SULT2B1: variants seen among roughly 807,000 people sequenced by gnomAD.
SULT2B1 encodes the protein sulfotransferase 2B1.
In SULT2B1, 16 loss-of-function variants were observed where a neutral mutation model predicts 33.2. The observed-to-expected ratio is 0.48, with a 90% CI of 0.33 to 0.73. The LOEUF (loss-of-function observed/expected upper bound fraction) is 0.73. SULT2B1 is among the 30% of genes least tolerant of loss of function. The pLI is 0.02. For synonymous variants in SULT2B1, 186 were observed against 200.5 expected (o/e 0.93, Z 0.61); for missense variants, 500 against 506.0 (o/e 0.99, Z 0.11).
intron 5 of SULT2B1, 34 bp downstream of exon 5, chr19:48,592,850 C>A: frequency 6.5e-7 from 1 of 1,530,648 alleles, no homozygotes; most frequent in Non-Finnish European, 8.9e-7. Context: ...GCAGCGTCCC[C>A]CCCATACCCT....
At position 48,576,359 on chromosome 19, in the gene SULT2B1, C is replaced by CTTTTCTTTCT; in HGVS notation, c.214+280_214+281insCTTTCTTTTT. Reference sequence around the variant, plus strand: ...CCTTTCCCCTTTACCCTCTACTTCTCTTTTTTTTTTTTTTTTTTGTAGAGA... The same window carrying CTTTTCTTTCT: ...CCTTTCCCCTTTACCCTCTACTTCTCTTTTCTTTCTTTTTTTTTTTTTTTTTTTGTAGAGA... On this transcript the variant is annotated intron_variant, in intron 2 of 6. Transcript: ENST00000201586. Among the ~76,000 whole-genome samples, 34 of 96,712 alleles carry CTTTTCTTTCT rather than the reference C, an allele frequency of 3.5e-4. 1 individual carries two copies. The highest frequency in any genetic ancestry group is 5.2e-3 in the Middle Eastern group (1 of 194). 63.4% of individuals were successfully genotyped at this position (96,712 alleles called of 152,430 possible).
intron 1 of SULT2B1, among the ~76,000 whole-genome samples, chr19:48,559,307 G>A (rs1270850249): frequency 6.6e-6 from 1 of 152,130 alleles, no homozygotes; most frequent in Non-Finnish European, 1.5e-5. Flanking sequence ...GGAAAGGTTG[G>A]AAGTGGTGAT....
intron 1 of SULT2B1, among the ~76,000 whole-genome samples, chr19:48,567,848 T>C (rs1411692297): frequency 1.3e-5 from 2 of 151,942 alleles, no homozygotes; most frequent in South Asian, 2.1e-4. Flanking sequence ...TGTATGCCTG[T>C]AGTCCCAGCT....
Position 48,599,084 on chromosome 19 carries a change from G to C in SULT2B1, c.827-51G>C. Reference sequence around the variant, plus strand: ...GGTTGCTGGAATGTTGGAGGTAGGGGCGCAGTGCTCCCCAGAGGCTCCTCA... The same window carrying C: ...GGTTGCTGGAATGTTGGAGGTAGGGCCGCAGTGCTCCCCAGAGGCTCCTCA... On this transcript the variant is annotated intron_variant, in intron 6 of 6. Transcript: ENST00000201586. This position sits in a 1 kb window ranked among gnomAD's most constrained non-coding sequence, Gnocchi z 4.1. The C allele has an allele frequency of 6.5e-7, 1 of 1,535,080 alleles. No homozygotes were observed. Among genetic ancestry groups the C allele is most frequent in the Non-Finnish European group, 8.7e-7 (1 of 1,145,982 alleles).
Position 48,576,354 on chromosome 19 carries a change from C to CTTTTTTTTTTTTTTTTTT in SULT2B1, c.214+273_214+274insTTTTTTTTTTTTTTTTTT, listed in dbSNP as rs879507532. On this transcript the variant is annotated intron_variant, in intron 2 of 6. Transcript: ENST00000201586. ...TCCTCCCTTTCCCCTTTACCCTCTA[C>CTTTTTTTTTTTTTTTTTT]TTCTCTTTTTTTTTTTTTTTTTTGT... 8.6e-4 allele frequency among the ~76,000 whole-genome samples: 69 copies of CTTTTTTTTTTTTTTTTTT among 79,902 alleles called. 6 individuals are homozygous for CTTTTTTTTTTTTTTTTTT. The highest frequency in any genetic ancestry group is 3.0e-3 in the South Asian group (7 of 2,354). 52.4% of individuals were successfully genotyped at this position (79,902 alleles called of 152,430 possible).
intron 1 of SULT2B1, among the ~76,000 whole-genome samples, chr19:48,566,793 A>C (rs1973248324): frequency 6.6e-6 from 1 of 151,680 alleles, no homozygotes; most frequent in Admixed American, 6.6e-5. Flanking sequence ...AGTGAGCCAA[A>C]ATTGTGTCAC....
chr19:48,553,186 G>A (rs902101449), intron 1 of SULT2B1, among the ~76,000 whole-genome samples: 6 of 152,130 alleles, frequency 3.9e-5, no homozygotes, highest in Non-Finnish European at 5.9e-5. Context: ...CCAACCCCTC[G>A]TATCTTGCAC....
intron 1 of SULT2B1, among the ~76,000 whole-genome samples, chr19:48,573,349 G>C (rs951012711): frequency 6.6e-6 from 1 of 151,876 alleles, no homozygotes; most frequent in Non-Finnish European, 1.5e-5. Flanking sequence ...CAAATCGAGC[G>C]ATATCAGCAC....
intron 2 of SULT2B1, among the ~76,000 whole-genome samples, chr19:48,576,376 T>TTTTTTTTTTTTG (rs1454205574): frequency 7.0e-6 from 1 of 142,968 alleles, no homozygotes; most frequent in African/African-American, 2.6e-5. Flanking sequence ...TTTTTTTTTT[T>TTTTTTTTTTTTG]TGTAGAGATG....
At chr19:48,576,425 G>C (rs1305412091) in intron 2 of SULT2B1, among the ~76,000 whole-genome samples, 22 of 103,376 alleles carry the variant, frequency 2.1e-4, no homozygotes, top group African/African-American at 7.8e-4. Context: ...TTGAACTCCT[G>C]ATCTCAAGTG....
intron 2 of SULT2B1, among the ~76,000 whole-genome samples, chr19:48,576,323 T>C (rs1240312594): frequency 1.4e-5 from 2 of 145,056 alleles, no homozygotes; most frequent in Admixed American, 1.4e-4. Context: ...AGCGTCCTCG[T>C]TCTGTTCCTC....
At chr19:48,555,628 G>A (rs1024040210) in intron 1 of SULT2B1, among the ~76,000 whole-genome samples, 1 of 150,306 alleles carries the variant, frequency 6.7e-6, no homozygotes, top group Non-Finnish European at 1.5e-5. Context: ...ACACTGGAGT[G>A]CAGTGGCACA....
chr19:48,552,792 G>A lies in SULT2B1; in HGVS notation c.71+469G>A, dbSNP rs1973046834. On this transcript the variant is annotated intron_variant, in intron 1 of 6. Transcript: ENST00000201586. This position sits in a 1 kb window ranked among gnomAD's most constrained non-coding sequence, Gnocchi z 4.8. ...TGAGACCCCCAGAGGGAGAAGCTGT[G>A]TTCTAGGGCACTTGGGGCGGAGAGG... Among the ~76,000 whole-genome samples, 3 of 152,134 alleles carry A rather than the reference G, an allele frequency of 2.0e-5. No individual in the cohort carries two copies. The highest frequency in any genetic ancestry group is 4.4e-5 in the Non-Finnish European group (3 of 68,018).
intron 2 of SULT2B1, among the ~76,000 whole-genome samples, chr19:48,577,026 C>CTTT (rs1370978518): frequency 3.7e-5 from 4 of 108,612 alleles, no homozygotes; most frequent in African/African-American, 1.4e-4. Flanking sequence ...AAACCCCCCT[C>CTTT]TATTTTTTTT....
At chr19:48,575,752 A>C in intron 1 of SULT2B1, 189 bp from the exon 2 acceptor site, 1 of 1,029,592 alleles carries the variant, frequency 9.7e-7, no homozygotes, top group South Asian at 2.0e-5. Context: ...AAGTGCTGGG[A>C]TTACAGGAGT....
At chr19:48,583,895 C>T (rs1349074096) in intron 2 of SULT2B1, among the ~76,000 whole-genome samples, 1 of 152,036 alleles carries the variant, frequency 6.6e-6, no homozygotes. Flanking sequence ...AGGCAGATCA[C>T]GAGGTGAAGA....
At position 48,552,240 on chromosome 19, in the gene SULT2B1, T is replaced by C. The variant is rs764491394; in HGVS notation, c.-13T>C. On this transcript the variant is annotated 5_prime_UTR_variant, in exon 1 of 7. Coordinates refer to ENST00000201586, the MANE Select transcript of SULT2B1 (RefSeq NM_177973.2). The surrounding 1 kb of genome is among the most constrained non-coding windows in gnomAD (Gnocchi z 4.8). ...CCTGCTCGTCCTCCCCTCCCCACCC[T>C]CACCCACCTGCCATGGACGGGCCCG... 1 of 1,611,842 alleles carries C rather than the reference T, an allele frequency of 6.2e-7. No homozygotes were observed. Among genetic ancestry groups the C allele is most frequent in the African/African-American group, 1.3e-5 (1 of 74,892 alleles).
intron 1 of SULT2B1, among the ~76,000 whole-genome samples, chr19:48,570,815 C>T (rs1440532809): frequency 6.6e-6 from 1 of 151,790 alleles, no homozygotes; most frequent in Non-Finnish European, 1.5e-5. Context: ...ACCTCTGCCT[C>T]CCAGGTTCAA....
rs571793507 is a variant in SULT2B1 at position 48,559,528 on chromosome 19, G to A, written c.71+7205G>A. Among the ~76,000 whole-genome samples the A allele has an allele frequency of 5.2e-4, 79 of 152,238 alleles. No individual in the cohort carries two copies. In the Middle Eastern group the frequency reaches 0.014, roughly 26 times the overall value. ...TGGGATTACAGGCATGTGCCACCAT[G>A]CCTAGCTAATTTTTGTATTTTTGAT... On this transcript the variant is annotated intron_variant, in intron 1 of 6. Coordinates refer to ENST00000201586, the MANE Select transcript of SULT2B1 (RefSeq NM_177973.2).
Sources: allele counts gnomAD v4.1 joint callset (sites outside exome capture counted in the v4.1 genomes callset), GRCh38; gene constraint gnomAD v4.1.1; non-coding constraint Gnocchi (gnomAD v3.1); transcripts MANE v1.5; gene names NCBI Gene and HGNC (gene_info 2026-07-23, HGNC 2026-07-21).